Variants in JPT1 observed in about 807,000 individuals in gnomAD.
JPT1 encodes the protein androgen-regulated protein 2.
Under a neutral mutation model 17.0 loss-of-function variants are expected in JPT1, and 5 were observed. That is an observed-to-expected ratio of 0.29 (90% CI 0.15 to 0.62). The LOEUF (loss-of-function observed/expected upper bound fraction) is 0.62, where lower values mean the gene tolerates loss of function less well. JPT1 is among the 20% of genes least tolerant of loss of function. The pLI is 0.85. For missense variants in JPT1, 158 were observed against 188.1 expected, an observed-to-expected ratio of 0.84 and a Z score of 0.94; for synonymous variants, 71 against 73.6, an observed-to-expected ratio of 0.96 and a Z score of 0.18.
chr17:75,145,005 C>T (rs967103760), intron 4 of JPT1, among the ~76,000 whole-genome samples: 2 of 151,434 alleles, frequency 1.3e-5, no homozygotes, highest in African/African-American at 2.4e-5. Flanking sequence ...TGAGGCCGGG[C>T]GCAGTGGCTC....
chr17:75,136,475 T>C (rs1052619359), intron 4 of JPT1, among the ~76,000 whole-genome samples: 1 of 152,138 alleles, frequency 6.6e-6, no homozygotes, highest in African/African-American at 2.4e-5. Flanking sequence ...CACAAATATA[T>C]AAGGACATGA....
At chr17:75,139,375 A>C (rs2074266454) in intron 4 of JPT1, among the ~76,000 whole-genome samples, 1 of 152,212 alleles carries the variant, frequency 6.6e-6, no homozygotes, top group Admixed American at 6.6e-5. Flanking sequence ...TCTTCAGATG[A>C]ATCAAGCTCA....
chr17:75,141,561 G>A (rs2074308745), intron 4 of JPT1, among the ~76,000 whole-genome samples: 2 of 152,106 alleles, frequency 1.3e-5, no homozygotes, highest in Middle Eastern at 3.4e-3. Context: ...GCTGAGGCAG[G>A]AGAATCACTT....
At chr17:75,147,855 T>C (rs2074469883) in intron 2 of JPT1, 1 of 516,550 alleles carries the variant, frequency 1.9e-6, no homozygotes, top group Admixed American at 3.1e-5. Flanking sequence ...AAAAATTGGC[T>C]GGACGTCATG....
At position 75,148,664 on chromosome 17, in the gene JPT1, G is replaced by A. The variant is rs868058942; in HGVS notation, c.64C>T (p.Arg22Trp). 1 of 1,613,638 alleles carries A rather than the reference G, an allele frequency of 6.2e-7. No individual in the cohort carries two copies. Among genetic ancestry groups the A allele is most frequent in the South Asian group, 1.1e-5 (1 of 90,972 alleles). Residue 22 changes from arginine to tryptophan, a missense_variant, in exon 2 of 5, where the codon CGG (arginine) becomes TGG (tryptophan). By Grantham distance (101) the Arg-to-Trp change is moderately radical. Transcript: ENST00000409753. ...PNSRNSSRVL[R>W]PPGGGSNFSL... ...AAATTGGATCCACCACCTGGAGGCC[G>A]CAAAACTCTGCAAATAATGGCAAAA...
rs76501888 is a variant in JPT1, at chr17:75,136,045, T to C, written c.*57A>G. ...GAGATGTACAGTCAGGCTCAAGTTG[T>C]GCAGTTCACAAGCATGGAGGAAACA... On this transcript the variant is annotated 3_prime_UTR_variant, in exon 5 of 5. Transcript: ENST00000409753. 3.3e-4 allele frequency: 536 copies of C among 1,613,604 alleles called. 5 individuals are homozygous for C. In the East Asian group the frequency reaches 9.3e-3, roughly 28 times the overall value.
chr17:75,142,258 A>C (rs532732690), intron 4 of JPT1, among the ~76,000 whole-genome samples: 1 of 151,932 alleles, frequency 6.6e-6, no homozygotes, highest in Non-Finnish European at 1.5e-5. Context: ...AGTATTCAGA[A>C]TATAGAAAGC....
intron 4 of JPT1, among the ~76,000 whole-genome samples, chr17:75,137,320 GTTTT>G (rs1035598660): frequency 8.5e-4 from 79 of 92,588 alleles, no homozygotes; most frequent in African/African-American, 2.2e-3. Context: ...CATATTTTTA[GTTTT>G]TTTGTTTGTT....
intron 4 of JPT1, among the ~76,000 whole-genome samples, chr17:75,140,848 T>C (rs147337161): frequency 3.8e-4 from 58 of 152,112 alleles, no homozygotes; most frequent in African/African-American, 1.4e-3. Context: ...TCCCGACACT[T>C]TGGGAGGCCA....
intron 1 of JPT1, among the ~76,000 whole-genome samples, chr17:75,152,274 G>T (rs1319215987): frequency 6.6e-6 from 1 of 152,190 alleles, no homozygotes; most frequent in Non-Finnish European, 1.5e-5. Flanking sequence ...ATGTGTCCAT[G>T]TACTGTAAAT....
intron 4 of JPT1, among the ~76,000 whole-genome samples, chr17:75,146,147 A>AC (rs1012232321): frequency 6.6e-6 from 1 of 151,952 alleles, no homozygotes; most frequent in Non-Finnish European, 1.5e-5. Flanking sequence ...GTGTTTAGAT[A>AC]TATTTTGGTT....
intron 1 of JPT1, among the ~76,000 whole-genome samples, chr17:75,150,860 T>TTTTTTTGTTTTG (rs1555652361): frequency 6.1e-4 from 85 of 140,142 alleles, no homozygotes; most frequent in African/African-American, 2.2e-3. Flanking sequence ...TTTTTTTTTT[T>TTTTTTTGTTTTG]TTTTTTTTTT....
chr17:75,136,110 A>C lies in JPT1; in HGVS notation c.457T>G (p.Leu153Val). 1 of 1,614,230 alleles carries C rather than the reference A, an allele frequency of 6.2e-7. No homozygotes were observed. The highest frequency in any genetic ancestry group is 8.5e-7 in the Non-Finnish European group (1 of 1,180,040). Residue 153 changes from leucine to valine, a missense_variant, in exon 5 of 5, where the codon TTG (leucine) becomes GTG (valine). By Grantham distance (32) the Leu-to-Val change is conservative. Transcript: ENST00000409753. Reference protein sequence around the residue: ...NPPGGKSSLVLG With the variant: ...NPPGGKSSLVVG ...GTTCAGGACAGTCAGAGCTAACCCA[A>C]GACGAGGCTGGACTTGCCGCCAGGG...
At chr17:75,151,589 G>C (rs1247764012) in intron 1 of JPT1, among the ~76,000 whole-genome samples, 1 of 151,930 alleles carries the variant, frequency 6.6e-6, no homozygotes, top group African/African-American at 2.4e-5. Flanking sequence ...TTGAACCCGG[G>C]AGGCAGAGGT....
Position 75,138,998 on chromosome 17 carries a change from A to G in JPT1, c.317-2748T>C, listed in dbSNP as rs558938133. The stretch of plus-strand genomic sequence containing the variant: ...ATGACAACTGTCACAATTATGAACT[A>G]AAACTCAGAGAGGGTCACCCATTAG... On this transcript the variant is annotated intron_variant, in intron 4 of 4. Coordinates refer to ENST00000409753, the MANE Select transcript of JPT1 (RefSeq NM_016185.4). Among the ~76,000 whole-genome samples, 21 of 152,334 alleles carry G rather than the reference A, an allele frequency of 1.4e-4. No individual in the cohort carries two copies. In the Middle Eastern group the frequency reaches 0.01, roughly 74 times the overall value.
intron 2 of JPT1, chr17:75,147,889 C>T: frequency 2.3e-6 from 1 of 439,800 alleles, no homozygotes; most frequent in South Asian, 2.9e-5. Flanking sequence ...ATCCTAGCTA[C>T]TCGGGAGGCT....
At chr17:75,138,707 C>T (rs937487799) in intron 4 of JPT1, among the ~76,000 whole-genome samples, 1 of 152,162 alleles carries the variant, frequency 6.6e-6, no homozygotes, top group African/African-American at 2.4e-5. Flanking sequence ...CATGCCCGGC[C>T]AAGAAGAGGT....
intron 4 of JPT1, among the ~76,000 whole-genome samples, chr17:75,138,915 CAT>C (rs1182576485): frequency 2.0e-5 from 3 of 152,072 alleles, no homozygotes; most frequent in Non-Finnish European, 2.9e-5. Context: ...ATGGGAGTAA[CAT>C]AAAATGTTCT....
At chr17:75,142,333 G>A (rs913610377) in intron 4 of JPT1, among the ~76,000 whole-genome samples, 7 of 151,432 alleles carry the variant, frequency 4.6e-5, no homozygotes, top group African/African-American at 1.7e-4. Context: ...GCCAAGGCAG[G>A]TGGATCACCT....
Sources: gnomAD v4.1 joint callset for allele counts (sites outside exome capture counted in the v4.1 genomes callset) on GRCh38, gnomAD v4.1.1 for gene constraint, MANE v1.5 for transcripts, NCBI Gene and HGNC (gene_info 2026-07-23, HGNC 2026-07-21) for gene names.